The following LENG8 variants were observed in gnomAD, a reference collection of about 807,000 sequenced individuals.
The protein encoded by LENG8 is leukocyte receptor cluster (LRC) member 8.
In LENG8, 28 loss-of-function variants were observed where a neutral mutation model predicts 102.1. That is an observed-to-expected ratio of 0.27 (90% CI 0.20 to 0.38). The LOEUF (loss-of-function observed/expected upper bound fraction) is 0.38, where lower values mean the gene tolerates loss of function less well. Among genes scored for constraint, LENG8 ranks in the 10% least tolerant of loss-of-function variants. LENG8 has a pLI of 1.00. For synonymous variants in LENG8, 531 were observed against 456.7 expected (o/e 1.16, Z -2.07); for missense variants, 1,022 against 1,113.9 (o/e 0.92, Z 1.17).
intron 11 of LENG8, 59 bp downstream of exon 11, chr19:54,456,980 A>T (rs570111688): frequency 6.6e-7 from 1 of 1,510,908 alleles, no homozygotes; most frequent in Admixed American, 2.0e-5. Flanking sequence ...GGACTTGGGG[A>T]GCCAACCCAG....
intron 11 of LENG8, 37 bp downstream of exon 11, chr19:54,456,958 C>T (rs550218345): frequency 3.6e-5 from 56 of 1,556,738 alleles, no homozygotes; most frequent in African/African-American, 3.2e-4. Context: ...TCTGTGAGGC[C>T]GTGCTGGCTC....
In LENG8 at chr19:54,456,651, C is replaced by T; in HGVS notation, c.1461C>T (p.Pro487=). ...CCCTTCCTAGGCACGATCTGGCGCC[C>T]ACCAAGCGCAGTCGAAAGAAGATGG... The part of the protein sequence containing the change: ...AQRGKRHDLA[P]TKRSRKKMAA... Residue 487 remains proline (P), a synonymous_variant, in exon 11 of 16, where the codon CCC becomes CCT. Transcript: ENST00000326764. The T allele has an allele frequency of 6.2e-7, 1 of 1,611,364 alleles. No homozygotes were observed. Among genetic ancestry groups the T allele is most frequent in the Non-Finnish European group, 8.5e-7 (1 of 1,178,636 alleles).
intron 6 of LENG8, 93 bp from the exon 7 acceptor site, chr19:54,454,858 C>T (rs998288937): frequency 3.0e-5 from 46 of 1,522,198 alleles, no homozygotes; most frequent in Middle Eastern, 1.7e-4. Context: ...AGAACCTGAG[C>T]GCTCCTCCCT....
intron 13 of LENG8, 30 bp from the exon 14 acceptor site, chr19:54,458,073 C>T: frequency 6.2e-7 from 1 of 1,612,114 alleles, no homozygotes; most frequent in Non-Finnish European, 8.5e-7. Flanking sequence ...CCTCACTCTG[C>T]TCTCCTCCCT....
Position 54,458,478 on chromosome 19 carries a change from G to A in LENG8, c.2197G>A (p.Ala733Thr), listed in dbSNP as rs751032465. ...CMSGYLVDKF[A>T]DRERKVALKA... The stretch of plus-strand genomic sequence containing the variant: ...GTCTGGCTACCTCGTGGACAAGTTT[G>A]CAGATCGGGAGCGCAAGGTCGCCCT... Residue 733 changes from alanine to threonine, a missense_variant, in exon 15 of 16, where the codon GCA becomes ACA. Coordinates refer to ENST00000326764, the MANE Select transcript of LENG8 (RefSeq NM_052925.4). The A allele has an allele frequency of 6.2e-7, 1 of 1,614,254 alleles. No individual in the cohort carries two copies. Among genetic ancestry groups the A allele is most frequent in the Non-Finnish European group, 8.5e-7 (1 of 1,180,050 alleles).
chr19:54,460,275 G>A (rs971070112), intron 15 of LENG8: 2 of 1,272,912 alleles, frequency 1.6e-6, no homozygotes, highest in Non-Finnish European at 2.0e-6. Flanking sequence ...TGCTCAGTCA[G>A]TAGTGTGTTT....
intron 11 of LENG8, among the ~76,000 whole-genome samples, chr19:54,457,228 CTG>C (rs2084298807): frequency 6.6e-6 from 1 of 152,224 alleles, no homozygotes; most frequent in African/African-American, 2.4e-5. Flanking sequence ...GCGTGGGGGG[CTG>C]TGTTTCCAGT....
chr19:54,457,530 G>A (rs1350271236), intron 11 of LENG8, among the ~76,000 whole-genome samples: 1 of 151,930 alleles, frequency 6.6e-6, no homozygotes, highest in African/African-American at 2.4e-5. Context: ...TAGTAGAGAC[G>A]GGGTTTCACC....
At chr19:54,460,121 G>A (rs1336433713) in intron 15 of LENG8, 2 of 1,289,834 alleles carry the variant, frequency 1.6e-6, no homozygotes, top group Non-Finnish European at 2.0e-6. Context: ...GGGCTTCCAG[G>A]AAAGCTCTGG....
At position 54,457,962 on chromosome 19, in the gene LENG8, T is replaced by C; in HGVS notation, c.1862T>C (p.Val621Ala). ...CAGGGCATCCGCACCGAGTTCACGG[T>C]GGAGGTGTACGAGACCCATGCCCGG... is the stretch of plus-strand genomic sequence containing the variant. ...TVQGIRTEFT[V>A]EVYETHARIA... is the part of the protein sequence containing the mutation. The change falls in exon 13 of 16, where the codon GTG becomes GCG. Residue 621 changes from valine to alanine, a missense_variant. Val to Ala is a moderately conservative substitution (Grantham distance 64). Coordinates refer to ENST00000326764, the MANE Select transcript of LENG8 (RefSeq NM_052925.4). The C allele has an allele frequency of 6.2e-7, 1 of 1,613,822 alleles. No homozygotes were observed. The highest frequency in any genetic ancestry group is 8.5e-7 in the Non-Finnish European group (1 of 1,180,018).
intron 15 of LENG8, chr19:54,458,795 C>G (rs1282699675): frequency 6.4e-7 from 1 of 1,551,182 alleles, no homozygotes; most frequent in Non-Finnish European, 8.7e-7. Flanking sequence ...ATCTGTGTGT[C>G]TCTTCCTCCT....
rs985986142 is a variant in LENG8 at position 54,450,687 on chromosome 19, G to A, written c.-55-603G>A. 4.8e-5 allele frequency among the ~76,000 whole-genome samples: 7 copies of A among 146,696 alleles called. No homozygotes were observed. The East Asian group carries it at 1.4e-3, about 30-fold the overall frequency. ...GCCCAGGCTGGAGAGCAATGGCGCAGTCTCAGCTTACCGCCCTCCGCCTCC... is the reference window on the plus strand; with the variant it reads ...GCCCAGGCTGGAGAGCAATGGCGCAATCTCAGCTTACCGCCCTCCGCCTCC... On this transcript the variant is annotated intron_variant, in intron 1 of 15. Transcript: ENST00000326764.
At chr19:54,453,142 A>G (rs994792489) in intron 4 of LENG8, among the ~76,000 whole-genome samples, 1 of 152,152 alleles carries the variant, frequency 6.6e-6, no homozygotes, top group Non-Finnish European at 1.5e-5. Flanking sequence ...GATTGAAAGT[A>G]GCATTCCTGC....
intron 1 of LENG8, among the ~76,000 whole-genome samples, chr19:54,451,055 G>A (rs2083939580): frequency 6.6e-6 from 1 of 152,262 alleles, no homozygotes; most frequent in South Asian, 2.1e-4. Flanking sequence ...TGGCTTCCCT[G>A]TTTCCAAATC....
intron 1 of LENG8, chr19:54,449,520 T>A (rs1027527338): frequency 1.3e-5 from 2 of 151,974 alleles, no homozygotes; most frequent in Admixed American, 6.6e-5. Context: ...GCCGTCGTCT[T>A]CTAATTTCCG....
intron 1 of LENG8, among the ~76,000 whole-genome samples, chr19:54,450,536 G>A (rs920965450): frequency 6.6e-6 from 1 of 150,780 alleles, no homozygotes; most frequent in Admixed American, 6.6e-5. Flanking sequence ...CACCCTCTCA[G>A]CCTTAAGGGT....
At chr19:54,455,328 C>CCA (rs781028574) in intron 7 of LENG8, 36 bp from the exon 8 acceptor site, 2 of 1,605,402 alleles carry the variant, frequency 1.2e-6, no homozygotes, top group Non-Finnish European at 1.7e-6. Context: ...AGTTTGGGAT[C>CCA]GTCTCCAGCT....
intron 15 of LENG8, chr19:54,459,478 TGA>T (rs976975113): frequency 2.0e-6 from 2 of 987,790 alleles, no homozygotes; most frequent in Non-Finnish European, 2.4e-6. Context: ...GCCCTCCACG[TGA>T]GGTCATGGTC....
At chr19:54,451,408 C>T (rs2083953041) in intron 2 of LENG8, 26 bp downstream of exon 2, 1 of 1,612,432 alleles carries the variant, frequency 6.2e-7, no homozygotes, top group Admixed American at 1.7e-5. Context: ...GGGATGGAGG[C>T]CAGTCGGGAG....
Sources: allele counts gnomAD v4.1 joint callset (sites outside exome capture counted in the v4.1 genomes callset), GRCh38; gene constraint gnomAD v4.1.1; transcripts MANE v1.5; gene names NCBI Gene and HGNC (gene_info 2026-07-23, HGNC 2026-07-21).